AFTPH: variants seen among roughly 807,000 people sequenced by gnomAD.
AFTPH encodes aftiphilin.
In AFTPH, 7 loss-of-function variants were observed where a neutral mutation model predicts 72.5. The observed-to-expected ratio is 0.10, with a 90% CI of 0.05 to 0.18. The LOEUF is 0.18. Ranked by LOEUF, AFTPH falls within the 10% of genes least tolerant of loss-of-function variation. AFTPH has a pLI of 1.00. For missense variants in AFTPH, 979 were observed against 1,060.5 expected (o/e 0.92, Z 1.07); for synonymous variants, 337 against 370.1 (o/e 0.91, Z 1.03).
At chr2:64,581,972 G>C (rs1673232268) in intron 7 of AFTPH, among the ~76,000 whole-genome samples, 1 of 152,204 alleles carries the variant, frequency 6.6e-6, no homozygotes, top group East Asian at 1.9e-4. Context: ...CCCTGCAAAA[G>C]TTCAGTTCAT....
chr2:64,548,547 A>G (rs1196221451), intron 1 of AFTPH, among the ~76,000 whole-genome samples: 2 of 152,110 alleles, frequency 1.3e-5, no homozygotes, highest in African/African-American at 4.8e-5. Context: ...ATTTCCTTAA[A>G]AGGAGTTTGC....
rs554554311 is a variant in AFTPH, at chr2:64,584,792, T to C, written c.2456-630T>C. 1.9e-4 allele frequency among the ~76,000 whole-genome samples: 29 copies of C among 152,196 alleles called. No homozygotes were observed. The East Asian group carries it at 5.6e-3, about 29-fold the overall frequency. On this transcript the variant is annotated intron_variant, in intron 7 of 8. Transcript: ENST00000238856. ...TTTGTATTTTTAGTAGAGACGGGGTTTCACCGTTTTAGCCAGGACGGTCTT... is the reference window on the plus strand; with the variant it reads ...TTTGTATTTTTAGTAGAGACGGGGTCTCACCGTTTTAGCCAGGACGGTCTT...
At chr2:64,554,395 A>C (rs1671237122) in intron 2 of AFTPH, among the ~76,000 whole-genome samples, 3 of 152,186 alleles carry the variant, frequency 2.0e-5, no homozygotes, top group Admixed American at 2.0e-4. Context: ...CTGACAATTG[A>C]TATATGTAAC....
At chr2:64,560,867 C>A (rs1196346358) in intron 2 of AFTPH, among the ~76,000 whole-genome samples, 1 of 152,106 alleles carries the variant, frequency 6.6e-6, no homozygotes, top group Non-Finnish European at 1.5e-5. Flanking sequence ...AGCGAAACTC[C>A]ATCTTGGGGG....
chr2:64,531,272 T>C (rs1458066388), intron 1 of AFTPH, among the ~76,000 whole-genome samples: 1 of 152,096 alleles, frequency 6.6e-6, no homozygotes, highest in Non-Finnish European at 1.5e-5. Flanking sequence ...ATCTTAGAAG[T>C]AGAGTTATTA....
intron 1 of AFTPH, among the ~76,000 whole-genome samples, chr2:64,551,036 T>C (rs1378231328): frequency 6.6e-6 from 1 of 152,200 alleles, no homozygotes; most frequent in African/African-American, 2.4e-5. Flanking sequence ...AAAGAACTCA[T>C]ACAAATCCAT....
chr2:64,527,585 A>G (rs1669354251), intron 1 of AFTPH, among the ~76,000 whole-genome samples: 1 of 151,952 alleles, frequency 6.6e-6, no homozygotes, highest in South Asian at 2.1e-4. Flanking sequence ...CATCTCAAAA[A>G]AAAAAAAAGA....
chr2:64,547,850 A>T (rs1336562006), intron 1 of AFTPH, among the ~76,000 whole-genome samples: 1 of 152,036 alleles, frequency 6.6e-6, no homozygotes, highest in Non-Finnish European at 1.5e-5. Flanking sequence ...CAGTGGTGTG[A>T]TCACAGCTCA....
At chr2:64,571,053 T>G (rs1482801128) in intron 5 of AFTPH, among the ~76,000 whole-genome samples, 3 of 152,062 alleles carry the variant, frequency 2.0e-5, no homozygotes, top group South Asian at 4.1e-4. Context: ...TTGTGATATC[T>G]TTCATTTAGA....
At chr2:64,531,919 T>A (rs1456405156) in intron 1 of AFTPH, among the ~76,000 whole-genome samples, 3 of 152,224 alleles carry the variant, frequency 2.0e-5, no homozygotes, top group Non-Finnish European at 4.4e-5. Context: ...AAGATTAACT[T>A]AACTCTTATA....
intron 1 of AFTPH, among the ~76,000 whole-genome samples, chr2:64,534,659 TTTTTTGTTG>T (rs1271188487): frequency 1.3e-5 from 2 of 152,086 alleles, no homozygotes; most frequent in Non-Finnish European, 2.9e-5. Flanking sequence ...AGTAGGGAAG[TTTTTTGTTG>T]TTGGTGTTGC....
chr2:64,539,967 T>C (rs1670130101), intron 1 of AFTPH, among the ~76,000 whole-genome samples: 1 of 152,112 alleles, frequency 6.6e-6, no homozygotes, highest in African/African-American at 2.4e-5. Flanking sequence ...GTTTTGAGTA[T>C]GGAAGAGGCT....
intron 1 of AFTPH, among the ~76,000 whole-genome samples, chr2:64,550,730 C>CAA (rs1553398442): frequency 7.1e-6 from 1 of 140,262 alleles, no homozygotes; most frequent in Non-Finnish European, 1.5e-5. Context: ...CACACACACA[C>CAA]AACTGGTGAA....
intron 1 of AFTPH, among the ~76,000 whole-genome samples, chr2:64,549,960 G>A (rs1670931892): frequency 1.3e-5 from 2 of 151,996 alleles, no homozygotes; most frequent in South Asian, 4.1e-4. Context: ...CTTCATCTTC[G>A]TGAAAAAATC....
intron 1 of AFTPH, among the ~76,000 whole-genome samples, chr2:64,536,676 G>A (rs548883727): frequency 2.6e-5 from 4 of 151,694 alleles, no homozygotes; most frequent in African/African-American, 9.7e-5. Context: ...TTGCCAGCAG[G>A]GCGTGGTGAC....
chr2:64,569,818 G>A, intron 5 of AFTPH, 139 bp downstream of exon 5: 1 of 663,630 alleles, frequency 1.5e-6, no homozygotes, highest in Admixed American at 3.0e-5. Context: ...GATCTTTTTT[G>A]ATCTCATAAA....
chr2:64,536,522 A>G (rs1009246710), intron 1 of AFTPH, among the ~76,000 whole-genome samples: 2 of 148,978 alleles, frequency 1.3e-5, no homozygotes, highest in Non-Finnish European at 3.0e-5. Flanking sequence ...TGATCGCGCC[A>G]CTGCACTCCA....
rs1217344848 is a variant in AFTPH at position 64,567,452 on chromosome 2, CCT to C, written c.1936-104_1936-103del. Reference sequence around the variant, plus strand: ...CTCAGTGTTTTCTGATGGTTCTCTTCCTCTCTCACAGTAGTGGACAGGGTGTG... The same window carrying C: ...CTCAGTGTTTTCTGATGGTTCTCTTCCTCTCACAGTAGTGGACAGGGTGTG... On this transcript the variant is annotated intron_variant, in intron 2 of 8. Coordinates refer to ENST00000238856, the Ensembl canonical transcript of AFTPH. 35 of 1,084,918 alleles carry C rather than the reference CCT, an allele frequency of 3.2e-5. No individual in the cohort carries two copies. In the East Asian group the frequency reaches 5.7e-4, roughly 18 times the overall value. The allele number at this position is 1,084,918 out of a possible 1,614,324, so 67.2% of individuals were successfully genotyped here.
chr2:64,570,950 A>C (rs140751357), intron 5 of AFTPH, among the ~76,000 whole-genome samples: 1 of 111,374 alleles, frequency 9.0e-6, no homozygotes, highest in Non-Finnish European at 1.6e-5. Context: ...AGTTTTTCAC[A>C]TCTGTCAGCT....
Sources: gnomAD v4.1 joint callset for allele counts (sites outside exome capture counted in the v4.1 genomes callset) on GRCh38, gnomAD v4.1.1 for gene constraint, MANE v1.5 for transcripts, NCBI Gene and HGNC (gene_info 2026-07-23, HGNC 2026-07-21) for gene names.